The following ZNF503 variants were observed in gnomAD, a reference collection of about 807,000 sequenced individuals.
ZNF503 encodes the protein zinc finger protein 503.
In ZNF503, 15 loss-of-function variants were observed where a neutral mutation model predicts 34.4. That is an observed-to-expected ratio of 0.44 (90% CI 0.29 to 0.67). The LOEUF (loss-of-function observed/expected upper bound fraction) is 0.67, where lower values mean the gene tolerates loss of function less well. ZNF503 is among the 30% of genes least tolerant of loss of function. ZNF503 has a pLI of 0.13. For missense variants in ZNF503, 1,007 were observed against 926.8 expected (o/e 1.09, Z -1.12); for synonymous variants, 580 against 456.8 (o/e 1.27, Z -3.44).
At chr10:75,300,003 A>G in the ZNF503 span, among the ~76,000 whole-genome samples, 3 of 152,172 alleles carry the variant, frequency 2.0e-5, no homozygotes, top group East Asian at 1.9e-4. Context: ...AACTGGTCTG[A>G]CCAAAATTTA....
the ZNF503 span, among the ~76,000 whole-genome samples, chr10:75,304,549 G>A: frequency 2.6e-5 from 4 of 152,120 alleles, no homozygotes; most frequent in African/African-American, 9.7e-5. Context: ...CACCAGTTGG[G>A]CTGGATGCTA....
the ZNF503 span, among the ~76,000 whole-genome samples, chr10:75,349,558 A>C: frequency 6.6e-6 from 1 of 152,160 alleles, no homozygotes; most frequent in African/African-American, 2.4e-5. Flanking sequence ...GAGGTAACAG[A>C]GGCAGGGAGT....
chr10:75,301,407 A>ATT, the ZNF503 span, among the ~76,000 whole-genome samples: 1 of 151,858 alleles, frequency 6.6e-6, no homozygotes, highest in Admixed American at 6.6e-5. Context: ...CACCCAGCTA[A>ATT]TTTTTTGTAT....
rs372696627 is a variant in ZNF503 at position 75,398,819 on chromosome 10, C to G, written c.1871G>C (p.Gly624Ala). The change falls in exon 2 of 2, where the codon GGA (glycine) becomes GCA (alanine). Residue 624 changes from glycine to alanine, a missense_variant. Coordinates refer to ENST00000372524, the MANE Select transcript of ZNF503 (RefSeq NM_032772.6). The stretch of plus-strand genomic sequence containing the variant: ...GAGGGCGTAGGGGGAGTAGTACGGT[C>G]CGGTGGCGGCGGGCACCGGCACGGG... ...GAPVPVPAAT[G>A]PYYSPYALYG... The G allele has an allele frequency of 4.5e-5, 67 of 1,498,958 alleles. No homozygotes were observed. In the African/African-American group the frequency reaches 6.5e-4, roughly 14 times the overall value. The allele number at this position is 1,498,958 out of a possible 1,614,324, so 92.9% of individuals were successfully genotyped here.
rs759401114 is a variant in ZNF503, at chr10:75,399,136, C to A, written c.1554G>T (p.Trp518Cys). Residue 518 changes from tryptophan to cysteine, a missense_variant, in exon 2 of 2, where the codon TGG (tryptophan) becomes TGT (cysteine). Coordinates refer to ENST00000372524, the MANE Select transcript of ZNF503 (RefSeq NM_032772.6). ...PNDPLPHICN[W>C]VSANGPCDKR... ...TGTCGCACGGCCCGTTGGCCGACACCCAGTTGCAGATGTGGGGGAGTGGGT... is the reference window on the plus strand; with the variant it reads ...TGTCGCACGGCCCGTTGGCCGACACACAGTTGCAGATGTGGGGGAGTGGGT... 5 of 1,613,602 alleles carry A rather than the reference C, an allele frequency of 3.1e-6. No individual in the cohort carries two copies. The highest frequency in any genetic ancestry group is 4.2e-6 in the Non-Finnish European group (5 of 1,179,750).
Position 75,399,613 on chromosome 10 carries a change from G to A in ZNF503, c.1077C>T (p.Tyr359=), listed in dbSNP as rs369866807. The A allele has an allele frequency of 4.6e-5, 73 of 1,598,270 alleles. No individual in the cohort carries two copies. The African/African-American group carries it at 5.3e-4, about 12-fold the overall frequency. Residue 359 remains tyrosine, a synonymous_variant, in exon 2 of 2, where the codon TAC becomes TAT. Coordinates refer to ENST00000372524, the MANE Select transcript of ZNF503 (RefSeq NM_032772.6). The part of the protein sequence containing the change: ...VFPLPPAGMT[Y]PGSLAGAYAG... ...CGTAGGCCCCGGCCAGGCTGCCTGG[G>A]TAGGTCATACCCGCGGGAGGCAGAG... is the stretch of plus-strand genomic sequence containing the variant.
the ZNF503 span, among the ~76,000 whole-genome samples, chr10:75,336,054 C>T: frequency 6.6e-6 from 1 of 152,344 alleles, no homozygotes; most frequent in East Asian, 1.9e-4. Context: ...CTGGAGAAAC[C>T]TGGCCTGCCC....
At chr10:75,321,717 T>G in the ZNF503 span, among the ~76,000 whole-genome samples, 10 of 152,214 alleles carry the variant, frequency 6.6e-5, no homozygotes, top group Non-Finnish European at 1.5e-4. Flanking sequence ...GGAAGAAATG[T>G]CTAAGCAGTA....
the ZNF503 span, among the ~76,000 whole-genome samples, chr10:75,303,343 C>G: frequency 0.23 from 34,621 of 152,154 alleles, 4,470 homozygotes; most frequent in African/African-American, 0.35. Flanking sequence ...GTTTCTGCCC[C>G]AGTCTAACTG....
the ZNF503 span, among the ~76,000 whole-genome samples, chr10:75,348,429 C>T: frequency 6.6e-6 from 1 of 150,896 alleles, no homozygotes; most frequent in Non-Finnish European, 1.5e-5. Flanking sequence ...ATCTTCTGAC[C>T]TCAAGTGATC....
the ZNF503 span, among the ~76,000 whole-genome samples, chr10:75,389,055 G>C: frequency 6.6e-6 from 1 of 152,226 alleles, no homozygotes; most frequent in African/African-American, 2.4e-5. Context: ...AACTGCTGAT[G>C]TGGAGCGTGT....
At chr10:75,348,034 C>A in the ZNF503 span, among the ~76,000 whole-genome samples, 1 of 152,020 alleles carries the variant, frequency 6.6e-6, no homozygotes, top group South Asian at 2.1e-4. Flanking sequence ...AGGCACCCGC[C>A]ACCACACCTG....
At chr10:75,311,468 G>T in the ZNF503 span, among the ~76,000 whole-genome samples, 1 of 152,046 alleles carries the variant, frequency 6.6e-6, no homozygotes, top group East Asian at 1.9e-4. Context: ...ACACCAAGAG[G>T]CAGAGATGCT....
At chr10:75,369,999 G>A in the ZNF503 span, among the ~76,000 whole-genome samples, 1 of 151,838 alleles carries the variant, frequency 6.6e-6, no homozygotes, top group East Asian at 1.9e-4. Context: ...CCCGGGAGGT[G>A]GAGGTTGAGG....
the ZNF503 span, among the ~76,000 whole-genome samples, chr10:75,316,336 CTTCTT>C: frequency 6.6e-6 from 1 of 151,516 alleles, no homozygotes; most frequent in African/African-American, 2.4e-5. Context: ...AAACAAGCCT[CTTCTT>C]TTCTTTTCCT....
the ZNF503 span, among the ~76,000 whole-genome samples, chr10:75,329,703 C>T: frequency 1.3e-5 from 2 of 152,128 alleles, no homozygotes; most frequent in Admixed American, 1.3e-4. Flanking sequence ...TCTCAAACTC[C>T]TTGCCTCATG....
the ZNF503 span, among the ~76,000 whole-genome samples, chr10:75,304,864 A>G: frequency 1.3e-5 from 2 of 152,162 alleles, no homozygotes; most frequent in Non-Finnish European, 2.9e-5. Context: ...ACTATGCCTT[A>G]AAGAATACAA....
At chr10:75,318,000 A>AATAC in the ZNF503 span, among the ~76,000 whole-genome samples, 229 of 150,624 alleles carry the variant, frequency 1.5e-3, 2 homozygotes, top group African/African-American at 4.2e-3. Context: ...TGTCTCAACA[A>AATAC]ATACATACAT....
chr10:75,400,381 G>C lies in ZNF503; in HGVS notation c.316-7C>G, dbSNP rs907123743. 3.1e-6 allele frequency: 5 copies of C among 1,596,770 alleles called. No homozygotes were observed. Among genetic ancestry groups the C allele is most frequent in the Non-Finnish European group, 2.6e-6 (3 of 1,173,958 alleles). On this transcript the variant is annotated splice_region_variant and splice_polypyrimidine_tract_variant and intron_variant, in intron 1 of 1. Coordinates refer to ENST00000372524, the MANE Select transcript of ZNF503 (RefSeq NM_032772.6). ...GGCTCTTCTTGGCATCGAGCTGCGGGGTCAGACGATGGGGGGGGAGCGTCA... is the reference window on the plus strand; with the variant it reads ...GGCTCTTCTTGGCATCGAGCTGCGGCGTCAGACGATGGGGGGGGAGCGTCA...
Sources: allele counts gnomAD v4.1 joint callset (sites outside exome capture counted in the v4.1 genomes callset), GRCh38; gene constraint gnomAD v4.1.1; transcripts MANE v1.5; gene names NCBI Gene and HGNC (gene_info 2026-07-23, HGNC 2026-07-21).